Variants in PTPRD observed in about 807,000 individuals in gnomAD.
PTPRD encodes the protein protein tyrosine phosphatase receptor type D.
In PTPRD, 34 loss-of-function variants were observed where a neutral mutation model predicts 214.5. That is an observed-to-expected ratio of 0.16 (90% CI 0.12 to 0.21). The LOEUF is 0.21. Among genes scored for constraint, PTPRD ranks in the 10% least tolerant of loss-of-function variants. The pLI is 1.00. For synonymous variants in PTPRD, 1,128 were observed against 845.7 expected, an observed-to-expected ratio of 1.33 and a Z score of -5.79; for missense variants, 2,545 against 2,398.7, an observed-to-expected ratio of 1.06 and a Z score of -1.27.
chr9:8,931,455 G>T (rs1017283033), intron 11 of PTPRD, among the ~76,000 whole-genome samples: 1 of 152,056 alleles, frequency 6.6e-6, no homozygotes. Context: ...GCTCTTTTTT[G>T]GTTCCGTATG....
chr9:9,397,893 T>A (rs1301699517), intron 8 of PTPRD, among the ~76,000 whole-genome samples: 2 of 151,982 alleles, frequency 1.3e-5, no homozygotes, highest in African/African-American at 4.8e-5. Flanking sequence ...CTTCCTGAGC[T>A]CAAAAATTCT....
intron 35 of PTPRD, among the ~76,000 whole-genome samples, chr9:8,415,359 T>C (rs1176572936): frequency 6.6e-6 from 1 of 152,192 alleles, no homozygotes; most frequent in Non-Finnish European, 1.5e-5. Context: ...TGGCTGGATA[T>C]GTATTCAATT....
chr9:10,515,633 A>G (rs557742791), intron 2 of PTPRD, among the ~76,000 whole-genome samples: 192 of 152,012 alleles, frequency 1.3e-3, no homozygotes, highest in Non-Finnish European at 2.4e-3. Flanking sequence ...CAGATTTTTA[A>G]AAGTACAATA....
chr9:8,508,432 C>G (rs983718202), intron 21 of PTPRD, among the ~76,000 whole-genome samples: 2 of 152,170 alleles, frequency 1.3e-5, no homozygotes, highest in African/African-American at 4.8e-5. Context: ...TGGCCACTGT[C>G]TGCTCTGATT....
At chr9:9,246,913 T>C (rs1203991398) in intron 9 of PTPRD, among the ~76,000 whole-genome samples, 3 of 152,046 alleles carry the variant, frequency 2.0e-5, no homozygotes, top group Non-Finnish European at 4.4e-5. Context: ...TGAGCCACAG[T>C]ACATTGGAAG....
At position 9,893,498 on chromosome 9, in the gene PTPRD, A is replaced by G. The variant is rs796555376; in HGVS notation, c.-368+45009T>C. ...ATAGATTTCTGCTTTTAATAATGAA[A>G]TATGTCAAACTCCTATAAAAACTAT... On this transcript the variant is annotated intron_variant, in intron 5 of 45. Transcript: ENST00000381196. Among the ~76,000 whole-genome samples the G allele has an allele frequency of 6.6e-5, 10 of 152,292 alleles. 1 individual carries two copies. The highest frequency in any genetic ancestry group is 2.4e-4 in the African/African-American group (10 of 41,586).
intron 7 of PTPRD, among the ~76,000 whole-genome samples, chr9:9,697,535 A>T (rs2097402284): frequency 6.6e-6 from 1 of 152,004 alleles, no homozygotes; most frequent in East Asian, 1.9e-4. Context: ...ATATTTTCTA[A>T]TAAGAAGTCT....
intron 14 of PTPRD, among the ~76,000 whole-genome samples, chr9:8,589,121 C>G (rs1014306031): frequency 6.6e-6 from 1 of 152,132 alleles, no homozygotes; most frequent in Non-Finnish European, 1.5e-5. Context: ...GAATTTCTAG[C>G]GCAAAGGAAA....
At chr9:9,522,344 G>T (rs2097000373) in intron 8 of PTPRD, among the ~76,000 whole-genome samples, 1 of 152,104 alleles carries the variant, frequency 6.6e-6, no homozygotes, top group African/African-American at 2.4e-5. Flanking sequence ...GTAGATGGAA[G>T]GGCACATATG....
At chr9:9,899,726 T>C (rs1430417194) in intron 5 of PTPRD, among the ~76,000 whole-genome samples, 1 of 151,710 alleles carries the variant, frequency 6.6e-6, no homozygotes, top group Non-Finnish European at 1.5e-5. Flanking sequence ...AAAAAATCAG[T>C]ATGTGGAAGA....
intron 9 of PTPRD, among the ~76,000 whole-genome samples, chr9:9,260,968 T>A (rs1405317764): frequency 1.3e-5 from 2 of 151,868 alleles, no homozygotes; most frequent in Non-Finnish European, 2.9e-5. Flanking sequence ...TTTCTCGCAA[T>A]CCTCTTTTTC....
At chr9:9,789,451 G>A (rs1349773463) in intron 5 of PTPRD, among the ~76,000 whole-genome samples, 1 of 152,016 alleles carries the variant, frequency 6.6e-6, no homozygotes, top group East Asian at 1.9e-4. Flanking sequence ...CTGTTCACAG[G>A]CCAAGACACT....
intron 3 of PTPRD, among the ~76,000 whole-genome samples, chr9:10,314,281 G>A (rs902478666): frequency 6.6e-6 from 1 of 151,822 alleles, no homozygotes; most frequent in African/African-American, 2.4e-5. Flanking sequence ...CTCCAACCAG[G>A]ACAAGGTTGG....
intron 12 of PTPRD, among the ~76,000 whole-genome samples, chr9:8,642,274 G>A (rs2096593397): frequency 6.6e-6 from 1 of 152,180 alleles, no homozygotes. Context: ...TGGACATCAA[G>A]AAAATATGTG....
intron 11 of PTPRD, among the ~76,000 whole-genome samples, chr9:8,871,587 A>G (rs1418006251): frequency 1.3e-5 from 2 of 152,154 alleles, no homozygotes; most frequent in African/African-American, 4.8e-5. Context: ...CTGACTTTTC[A>G]TGACCTTTGG....
At chr9:8,557,113 A>T (rs965466000) in intron 14 of PTPRD, among the ~76,000 whole-genome samples, 1 of 152,114 alleles carries the variant, frequency 6.6e-6, no homozygotes, top group South Asian at 2.1e-4. Flanking sequence ...GCAGGGCCAC[A>T]GTGGAAGGGA....
chr9:8,801,632 C>T (rs1298803004), intron 11 of PTPRD, among the ~76,000 whole-genome samples: 1 of 152,210 alleles, frequency 6.6e-6, no homozygotes, highest in Non-Finnish European at 1.5e-5. Flanking sequence ...AGGAGAATCA[C>T]TTGAGCCCGG....
At chr9:8,415,723 G>A (rs2093885248) in intron 35 of PTPRD, among the ~76,000 whole-genome samples, 1 of 151,978 alleles carries the variant, frequency 6.6e-6, no homozygotes, top group African/African-American at 2.4e-5. Flanking sequence ...GAGAAAGCAA[G>A]CCACAGACAT....
chr9:8,907,836 A>G (rs1360675883), intron 11 of PTPRD, among the ~76,000 whole-genome samples: 1 of 152,090 alleles, frequency 6.6e-6, no homozygotes, highest in East Asian at 1.9e-4. Flanking sequence ...GTATTAATAT[A>G]CATGTAATAT....
Sources: gnomAD v4.1 joint callset for allele counts (sites outside exome capture counted in the v4.1 genomes callset) on GRCh38, gnomAD v4.1.1 for gene constraint, MANE v1.5 for transcripts, NCBI Gene and HGNC (gene_info 2026-07-23, HGNC 2026-07-21) for gene names.